Variants in SMYD2 observed in about 807,000 individuals in gnomAD.
SMYD2 encodes the protein SET and MYND domain containing 2.
SMYD2 carries 53 observed loss-of-function variants against 59.1 expected under a neutral mutation model. The ratio of observed to expected loss-of-function variants is 0.90; its 90% CI spans 0.72 to 1.13. The LOEUF (loss-of-function observed/expected upper bound fraction) is 1.13, where lower values mean the gene tolerates loss of function less well. Ranked by LOEUF, SMYD2 falls within the 50% of genes most tolerant of loss-of-function variation. The probability of loss-of-function intolerance (pLI) is 0.00; values close to 1 mark genes in which losing one functional copy is unlikely to be tolerated. For synonymous variants in SMYD2, 208 were observed against 198.8 expected (o/e 1.05, Z -0.39); for missense variants, 494 against 544.7 (o/e 0.91, Z 0.93).
At chr1:214,320,530 G>A (rs936175151) in intron 5 of SMYD2, among the ~76,000 whole-genome samples, 2 of 152,188 alleles carry the variant, frequency 1.3e-5, no homozygotes, top group South Asian at 2.1e-4. Context: ...GGAGGCTGAG[G>A]TAGGAGGATC....
rs941102024 is a variant in SMYD2 at position 214,318,182 on chromosome 1, G to C, written c.409+43G>C. 14 of 1,585,062 alleles carry C rather than the reference G, an allele frequency of 8.8e-6. No individual in the cohort carries two copies. The highest frequency in any genetic ancestry group is 1.3e-5 in the African/African-American group (1 of 74,224). On this transcript the variant is annotated intron_variant, in intron 4 of 11. Coordinates refer to ENST00000366957, the MANE Select transcript of SMYD2 (RefSeq NM_020197.3). This position sits in a 1 kb window ranked among gnomAD's most constrained non-coding sequence, Gnocchi z 5.4. ...CAGCCGCGCAGTTCTCTCAGCCACA[G>C]ATTTCACATGGGTTGGGCAGGATTG...
At chr1:214,336,640 C>T (rs1571937833) in intron 11 of SMYD2, 64 bp from the exon 12 acceptor site, 2 of 1,482,524 alleles carry the variant, frequency 1.3e-6, no homozygotes, top group South Asian at 1.2e-5. Context: ...CTTAAAGTTA[C>T]CCTGGGTGGA....
chr1:214,290,551 GT>G (rs1295990551), intron 1 of SMYD2, among the ~76,000 whole-genome samples: 5 of 152,164 alleles, frequency 3.3e-5, no homozygotes, highest in African/African-American at 1.2e-4. Flanking sequence ...AGACACTGTT[GT>G]GTCTTAGTGA....
chr1:214,288,666 T>A (rs1480838121), intron 1 of SMYD2, among the ~76,000 whole-genome samples: 2 of 152,272 alleles, frequency 1.3e-5, no homozygotes, highest in African/African-American at 4.8e-5. Flanking sequence ...TTCAGCCATC[T>A]TAGATCTATA....
intron 1 of SMYD2, among the ~76,000 whole-genome samples, chr1:214,285,474 A>G (rs1656522131): frequency 6.6e-6 from 1 of 152,198 alleles, no homozygotes; most frequent in East Asian, 1.9e-4. Flanking sequence ...ATGTATTTAA[A>G]TCATCATGTT....
chr1:214,313,609 C>G (rs183044407), intron 2 of SMYD2, among the ~76,000 whole-genome samples: 133 of 152,156 alleles, frequency 8.7e-4, no homozygotes, highest in African/African-American at 3.0e-3. Context: ...CTTACCCCAT[C>G]ATCCCACCAA....
chr1:214,299,074 A>T (rs1203218850), intron 1 of SMYD2, among the ~76,000 whole-genome samples: 2 of 152,206 alleles, frequency 1.3e-5, no homozygotes, highest in African/African-American at 4.8e-5. Flanking sequence ...TTGCTTGAGC[A>T]CAAGAGTTTG....
intron 9 of SMYD2, chr1:214,331,326 G>A (rs1032700207): frequency 2.4e-6 from 1 of 423,756 alleles, no homozygotes; most frequent in African/African-American, 2.0e-5. Context: ...ATGAAGGACA[G>A]AGCCTTGATG....
Position 214,336,978 on chromosome 1 carries a change from T to G in SMYD2, c.*194T>G, listed in dbSNP as rs1657450454. 5 of 504,136 alleles carry G rather than the reference T, an allele frequency of 9.9e-6. No individual in the cohort carries two copies. The highest frequency in any genetic ancestry group is 1.7e-5 in the Non-Finnish European group (5 of 289,974). The allele number at this position is 504,136 out of a possible 1,614,324, so 31.2% of individuals were successfully genotyped here. On this transcript the variant is annotated 3_prime_UTR_variant, in exon 12 of 12. Transcript: ENST00000366957. Reference sequence around the variant, plus strand: ...CTTGAACTTTAATACCAAATTAATTTTGAATGCTTTTGTTTCCTAAGAGAT... The same window carrying G: ...CTTGAACTTTAATACCAAATTAATTGTGAATGCTTTTGTTTCCTAAGAGAT...
At position 214,330,184 on chromosome 1, in the gene SMYD2, T is replaced by C. The variant is rs1657328294; in HGVS notation, c.722T>C (p.Ile241Thr). ...KPGEEVFTSY[I>T]DLLYPTEDRN... ...ACCCCGTAGGTTTTTACCAGCTATA[T>C]TGATCTCCTGTACCCAACGGAAGAT... is the stretch of plus-strand genomic sequence containing the variant. Residue 241 changes from isoleucine to threonine, a missense_variant, in exon 8 of 12, where the codon ATT (isoleucine) becomes ACT (threonine). Ile to Thr is a moderately conservative substitution (Grantham distance 89). Transcript: ENST00000366957. 3.1e-6 allele frequency: 5 copies of C among 1,609,536 alleles called. No individual in the cohort carries two copies. Among genetic ancestry groups the C allele is most frequent in the Non-Finnish European group, 4.2e-6 (5 of 1,177,416 alleles).
At position 214,318,011 on chromosome 1, in the gene SMYD2, A is replaced by T. The variant is rs1657111922; in HGVS notation, c.349-68A>T. On this transcript the variant is annotated intron_variant, in intron 3 of 11. Transcript: ENST00000366957. This position sits in a 1 kb window ranked among gnomAD's most constrained non-coding sequence, Gnocchi z 5.4. ...TTTTCTTTATGTTGATGTAAAAGTG[A>T]AAGTGCCACTTTATTACACTGGTTG... 7.2e-7 allele frequency: 1 copy of T among 1,379,936 alleles called. No individual in the cohort carries two copies. Among genetic ancestry groups the T allele is most frequent in the Non-Finnish European group, 1.0e-6 (1 of 976,132 alleles). 85.5% of individuals were successfully genotyped at this position (1,379,936 alleles called of 1,614,324 possible).
At chr1:214,293,282 G>A (rs770139187) in intron 1 of SMYD2, among the ~76,000 whole-genome samples, 1 of 151,934 alleles carries the variant, frequency 6.6e-6, no homozygotes, top group Non-Finnish European at 1.5e-5. Context: ...TCGAACTCCC[G>A]ACCTCAGGTG....
chr1:214,319,034 G>T, intron 5 of SMYD2, 51 bp downstream of exon 5: 1 of 1,597,556 alleles, frequency 6.3e-7, no homozygotes, highest in South Asian at 1.1e-5. Flanking sequence ...CCCTCTCCAA[G>T]GCCCTCTCCC....
At chr1:214,303,145 C>T (rs1446774309) in intron 1 of SMYD2, among the ~76,000 whole-genome samples, 1 of 152,046 alleles carries the variant, frequency 6.6e-6, no homozygotes, top group East Asian at 1.9e-4. Context: ...CTCTAACCTG[C>T]CCCCCATAAA....
At chr1:214,311,535 A>G (rs1167730407) in intron 2 of SMYD2, among the ~76,000 whole-genome samples, 1 of 152,114 alleles carries the variant, frequency 6.6e-6, no homozygotes, top group Non-Finnish European at 1.5e-5. Context: ...GTGGGGATAA[A>G]ATGCAGGTTT....
At chr1:214,284,315 C>A (rs1276579023) in intron 1 of SMYD2, among the ~76,000 whole-genome samples, 1 of 118,386 alleles carries the variant, frequency 8.4e-6, no homozygotes, top group Non-Finnish European at 1.6e-5. Flanking sequence ...GGCTGGAGTG[C>A]AGTGGCGTGA....
intron 8 of SMYD2, among the ~76,000 whole-genome samples, 196 bp downstream of exon 8, chr1:214,330,474 T>A (rs924717731): frequency 6.6e-6 from 1 of 152,168 alleles, no homozygotes; most frequent in Non-Finnish European, 1.5e-5. Flanking sequence ...AAGAAAACAT[T>A]TCCATTACAC....
Position 214,325,760 on chromosome 1 carries a change from G to T in SMYD2, c.602+1052G>T, listed in dbSNP as rs555566089. 5.5e-5 allele frequency among the ~76,000 whole-genome samples: 8 copies of T among 144,244 alleles called. No homozygotes were observed. The East Asian group carries it at 1.7e-3, about 31-fold the overall frequency. The allele number at this position is 144,244 out of a possible 152,430, so 94.6% of individuals were successfully genotyped here. On this transcript the variant is annotated intron_variant, in intron 6 of 11. Transcript: ENST00000366957. ...ATCATCTGCAGTTGGAATTCTGGAA[G>T]TGAGGAAAGAAGCTTTTTTTTTTTT...
intron 11 of SMYD2, among the ~76,000 whole-genome samples, chr1:214,334,860 G>A (rs1010609777): frequency 2.0e-5 from 3 of 152,176 alleles, no homozygotes; most frequent in Non-Finnish European, 4.4e-5. Flanking sequence ...TAGGGTACAT[G>A]GTGGGGCCTT....
Sources: gnomAD v4.1 joint callset for allele counts (sites outside exome capture counted in the v4.1 genomes callset) on GRCh38, gnomAD v4.1.1 for gene constraint, Gnocchi (gnomAD v3.1) non-coding constraint, MANE v1.5 for transcripts, NCBI Gene and HGNC (gene_info 2026-07-23, HGNC 2026-07-21) for gene names.